KCNMA1: variants seen among roughly 807,000 people sequenced by gnomAD.
The protein encoded by KCNMA1 is potassium calcium-activated channel subfamily M alpha 1, also known as Calcium-activated potassium channel subunit alpha-1.
Under a neutral mutation model 140.0 loss-of-function variants are expected in KCNMA1, and 29 were observed. The observed-to-expected ratio is 0.21, with a 90% confidence interval of 0.15 to 0.28. The LOEUF (loss-of-function observed/expected upper bound fraction) is 0.28, where lower values mean the gene tolerates loss of function less well. Ranked by LOEUF, KCNMA1 falls within the 10% of genes least tolerant of loss-of-function variation. The probability of loss-of-function intolerance (pLI) is 1.00; values close to 1 mark genes in which losing one functional copy is unlikely to be tolerated. For missense variants in KCNMA1, 880 were observed against 1,602.2 expected (o/e 0.55, Z 7.70); for synonymous variants, 612 against 611.9 (o/e 1.00, Z 0.00).
chr10:77,157,030 ACT>A (rs1253548742), intron 5 of KCNMA1, among the ~76,000 whole-genome samples: 5 of 151,970 alleles, frequency 3.3e-5, no homozygotes, highest in African/African-American at 1.2e-4. Context: ...CATTAATTAA[ACT>A]CTTTCTTTAC....
intron 1 of KCNMA1, among the ~76,000 whole-genome samples, chr10:77,592,299 A>C (rs545270496): frequency 1.3e-5 from 2 of 152,228 alleles, no homozygotes. Context: ...ACAAAAGCAC[A>C]CTAAGGAGAC....
At chr10:77,597,450 C>T (rs939941236) in intron 1 of KCNMA1, among the ~76,000 whole-genome samples, 1 of 152,060 alleles carries the variant, frequency 6.6e-6, no homozygotes, top group African/African-American at 2.4e-5. Flanking sequence ...TTATACATTC[C>T]ACACATGTAA....
At chr10:77,137,258 G>C (rs1258401693) in intron 5 of KCNMA1, among the ~76,000 whole-genome samples, 1 of 152,136 alleles carries the variant, frequency 6.6e-6, no homozygotes, top group Non-Finnish European at 1.5e-5. Context: ...CAGAAAGCCT[G>C]CCAGGGTTTT....
At chr10:77,609,742 G>C (rs116801218) in intron 1 of KCNMA1, among the ~76,000 whole-genome samples, 1,878 of 146,562 alleles carry the variant, frequency 0.013, 35 homozygotes, top group African/African-American at 0.046. Flanking sequence ...TTAATAATAA[G>C]TGTTCATTTT....
At chr10:77,439,358 C>T (rs189347032) in intron 1 of KCNMA1, among the ~76,000 whole-genome samples, 8 of 152,292 alleles carry the variant, frequency 5.3e-5, no homozygotes, top group Admixed American at 4.6e-4. Flanking sequence ...AGGTGGAGCC[C>T]AGATGTTGCC....
At chr10:76,969,300 GGGAAGGAAGGAA>G in intron 20 of KCNMA1, among the ~76,000 whole-genome samples, 1 of 109,362 alleles carries the variant, frequency 9.1e-6, no homozygotes, top group South Asian at 3.5e-4. Context: ...GAAGGAAGGA[GGGAAGGAAGGAA>G]GGAAGGAAGG....
intron 1 of KCNMA1, among the ~76,000 whole-genome samples, chr10:77,462,028 C>T (rs188575341): frequency 1.5e-3 from 230 of 151,926 alleles, no homozygotes; most frequent in Non-Finnish European, 2.4e-3. Context: ...CACACACACA[C>T]AAGCAGACAC....
chr10:77,460,790 G>T (rs186155197), intron 1 of KCNMA1, among the ~76,000 whole-genome samples: 1 of 152,200 alleles, frequency 6.6e-6, no homozygotes, highest in Admixed American at 6.5e-5. Context: ...AAAGTGGGAC[G>T]GTGAGGGGGT....
intron 5 of KCNMA1, among the ~76,000 whole-genome samples, chr10:77,135,070 G>C (rs896123669): frequency 5.7e-5 from 8 of 139,970 alleles, no homozygotes; most frequent in Non-Finnish European, 1.1e-4. Flanking sequence ...CCTACAGAAT[G>C]GGAGAAAAAT....
chr10:77,124,971 G>T (rs1030974548), intron 5 of KCNMA1, among the ~76,000 whole-genome samples: 1 of 152,140 alleles, frequency 6.6e-6, no homozygotes, highest in African/African-American at 2.4e-5. Flanking sequence ...TACTTCACAT[G>T]GTGGCAGGAA....
Position 77,637,619 on chromosome 10 carries a change from G to A in KCNMA1, c.24C>T (p.Gly8=), listed in dbSNP as rs748427000. The A allele has an allele frequency of 1.0e-4, 159 of 1,523,860 alleles. No homozygotes were observed. Among genetic ancestry groups the A allele is most frequent in the Middle Eastern group, 1.9e-4 (1 of 5,168 alleles). 94.4% of individuals were successfully genotyped at this position (1,523,860 alleles called of 1,614,324 possible). Residue 8 remains glycine (G), a synonymous_variant, in exon 1 of 28, where the codon GGC becomes GGT. Transcript: ENST00000286628. MANGGGG[G]GGSSGGGGGG... is the part of the protein sequence containing the mutation. ...CGCCGCCGCCGCCGCTGCTGCCGCC[G>A]CCGCCGCCGCCACCATTTGCCATAG...
chr10:77,247,155 G>A (rs185223433), intron 3 of KCNMA1, among the ~76,000 whole-genome samples: 80 of 152,260 alleles, frequency 5.3e-4, no homozygotes, highest in African/African-American at 1.7e-3. Context: ...CCGCGTAACC[G>A]TAGCATAAGA....
chr10:77,503,644 C>G lies in KCNMA1; in HGVS notation c.379-99621G>C, dbSNP rs57544623. Among the ~76,000 whole-genome samples the G allele has an allele frequency of 9.0e-3, 1,371 of 152,262 alleles. 13 individuals are homozygous for G. Among genetic ancestry groups the G allele is most frequent in the East Asian group, 0.05 (257 of 5,180 alleles). The stretch of plus-strand genomic sequence containing the variant: ...CAGCTGTCCTTGTGCAGTCATGGGC[C>G]CAGCACAGAGCAGGCGTACATACTA... On this transcript the variant is annotated intron_variant, in intron 1 of 27. Transcript: ENST00000286628.
intron 5 of KCNMA1, among the ~76,000 whole-genome samples, 200 bp from the exon 6 acceptor site, chr10:77,121,248 T>G (rs2097585358): frequency 6.6e-6 from 1 of 152,200 alleles, no homozygotes; most frequent in Non-Finnish European, 1.5e-5. Flanking sequence ...GACTTTCTCT[T>G]TATAAAGGTG....
At position 77,499,167 on chromosome 10, in the gene KCNMA1, T is replaced by C. The variant is rs1025100566; in HGVS notation, c.379-95144A>G. Among the ~76,000 whole-genome samples, 3 of 152,068 alleles carry C rather than the reference T, an allele frequency of 2.0e-5. No individual in the cohort carries two copies. In the East Asian group the frequency reaches 5.8e-4, roughly 29 times the overall value. On this transcript the variant is annotated intron_variant, in intron 1 of 27. Coordinates refer to ENST00000286628, the MANE Select transcript of KCNMA1 (RefSeq NM_001161352.2). Reference sequence around the variant, plus strand: ...GCAGTAAAAGTCAAGAGAACTTATTTCTGAAACAAGATGTGTTATGAAGGG... The same window carrying C: ...GCAGTAAAAGTCAAGAGAACTTATTCCTGAAACAAGATGTGTTATGAAGGG...
chr10:77,000,998 C>T lies in KCNMA1; in HGVS notation c.2266+409G>A, dbSNP rs958913647. ...CAATGCTAGAGCTGGCTTGTTCTCG[C>T]TACACCCTTTCCTTCCTCCCTTTGA... is the stretch of plus-strand genomic sequence containing the variant. On this transcript the variant is annotated intron_variant, in intron 19 of 27. Transcript: ENST00000286628. Among the ~76,000 whole-genome samples the T allele has an allele frequency of 1.4e-4, 21 of 151,218 alleles. No homozygotes were observed. In the East Asian group the frequency reaches 3.7e-3, roughly 27 times the overall value.
chr10:76,927,228 C>G (rs1358030907), intron 23 of KCNMA1, among the ~76,000 whole-genome samples: 1 of 152,054 alleles, frequency 6.6e-6, no homozygotes, highest in Non-Finnish European at 1.5e-5. Context: ...ATACCTTTGC[C>G]CAGAGGATAA....
In KCNMA1 at chr10:76,915,068, A is replaced by G. The variant is rs1443828684; in HGVS notation, c.2903-19T>C. The G allele has an allele frequency of 6.4e-7, 1 of 1,569,278 alleles. No individual in the cohort carries two copies. The highest frequency in any genetic ancestry group is 2.2e-5 in the East Asian group (1 of 44,572). ...GTGAACCCTAGTGGGAAGGAAACAG[A>G]GGAGGAAGAAAAATCAGAGAAGTAG... On this transcript the variant is annotated intron_variant, in intron 23 of 27. Transcript: ENST00000286628.
In KCNMA1 at chr10:77,174,027, T is replaced by G. The variant is rs531833161; in HGVS notation, c.808+9394A>C. 7.2e-5 allele frequency among the ~76,000 whole-genome samples: 11 copies of G among 152,282 alleles called. No individual in the cohort carries two copies. The East Asian group carries it at 2.1e-3, about 29-fold the overall frequency. On this transcript the variant is annotated intron_variant, in intron 5 of 27. Transcript: ENST00000286628. The stretch of plus-strand genomic sequence containing the variant: ...TTCCCCTCTCCCCTTGCTACTTAAT[T>G]GCTCACAAATCCAGCAAATTGCAGG...
Sources: gnomAD v4.1 joint callset for allele counts (sites outside exome capture counted in the v4.1 genomes callset) on GRCh38, gnomAD v4.1.1 for gene constraint, MANE v1.5 for transcripts, NCBI Gene and HGNC (gene_info 2026-07-23, HGNC 2026-07-21) for gene names.